AAGAB: variants seen among roughly 807,000 people sequenced by gnomAD.
The protein encoded by AAGAB is alpha- and gamma-adaptin-binding protein p34.
Under a neutral mutation model 44.1 loss-of-function variants are expected in AAGAB, and 38 were observed. The observed-to-expected ratio is 0.86, with a 90% CI of 0.67 to 1.13. AAGAB has a LOEUF of 1.13. Ranked by LOEUF, AAGAB falls within the 50% of genes most tolerant of loss-of-function variation. The probability of loss-of-function intolerance (pLI) is 0.00; values close to 1 mark genes in which losing one functional copy is unlikely to be tolerated. For synonymous variants in AAGAB, 131 were observed against 131.8 expected, an observed-to-expected ratio of 0.99 and a Z score of 0.04; for missense variants, 450 against 373.8, an observed-to-expected ratio of 1.20 and a Z score of -1.68.
At chr15:67,233,969 G>A (rs1181228187) in intron 4 of AAGAB, among the ~76,000 whole-genome samples, 5 of 152,114 alleles carry the variant, frequency 3.3e-5, no homozygotes, top group African/African-American at 4.8e-5. Context: ...TCTGCTGGGC[G>A]CGGTGGCTCA....
At chr15:67,232,499 T>TC (rs957895469) in intron 4 of AAGAB, 9 of 338,128 alleles carry the variant, frequency 2.7e-5, no homozygotes, top group Admixed American at 1.1e-4. Context: ...ACCAACTACT[T>TC]CAGTGAAAAC....
At position 67,208,663 on chromosome 15, in the gene AAGAB, T is replaced by G. The variant is rs1262510320; in HGVS notation, c.619-5A>C. The G allele has an allele frequency of 6.2e-7, 1 of 1,613,222 alleles. No homozygotes were observed. Among genetic ancestry groups the G allele is most frequent in the Admixed American group, 1.7e-5 (1 of 59,984 alleles). On this transcript the variant is annotated splice_polypyrimidine_tract_variant and splice_region_variant and intron_variant, in intron 6 of 9. Transcript: ENST00000261880. ...TGCTGCTGGCAAATGGGGTTGCTGTTGAGGAAAATACACATAAGCAACAAT... is the reference window on the plus strand; with the variant it reads ...TGCTGCTGGCAAATGGGGTTGCTGTGGAGGAAAATACACATAAGCAACAAT...
intron 5 of AAGAB, among the ~76,000 whole-genome samples, chr15:67,229,590 AAGG>A (rs1402301107): frequency 1.3e-5 from 2 of 152,088 alleles, no homozygotes; most frequent in East Asian, 3.9e-4. Context: ...AGAAAGAAAA[AAGG>A]AGGAAGGAGG....
At chr15:67,209,170 A>T in intron 6 of AAGAB, among the ~76,000 whole-genome samples, 1 of 152,224 alleles carries the variant, frequency 6.6e-6, no homozygotes, top group East Asian at 1.9e-4. Flanking sequence ...AGTACTAAAA[A>T]AGCACCATGA....
intron 8 of AAGAB, 39 bp from the exon 9 acceptor site, chr15:67,203,636 C>T (rs912834824): frequency 2.5e-6 from 4 of 1,572,826 alleles, no homozygotes; most frequent in African/African-American, 1.3e-5. Flanking sequence ...TGTCTAATAG[C>T]ACAGGATAAC....
intron 4 of AAGAB, 28 bp downstream of exon 4, chr15:67,235,951 T>C: frequency 1.4e-6 from 2 of 1,474,302 alleles, no homozygotes; most frequent in Non-Finnish European, 1.9e-6. Context: ...CTAAGTGCCA[T>C]ATTTTCTCCT....
chr15:67,225,788 G>A (rs1964190395), intron 5 of AAGAB, among the ~76,000 whole-genome samples: 1 of 152,120 alleles, frequency 6.6e-6, no homozygotes, highest in African/African-American at 2.4e-5. Context: ...GTTTTCAGCA[G>A]TTTTTCTCAC....
rs1963592300 is a variant in AAGAB at position 67,202,611 on chromosome 15, T to C, written c.*210A>G. 2 of 533,294 alleles carry C rather than the reference T, an allele frequency of 3.8e-6. No homozygotes were observed. The highest frequency in any genetic ancestry group is 6.2e-5 in the South Asian group (2 of 32,204). The allele number at this position is 533,294 out of a possible 1,614,324, so 33.0% of individuals were successfully genotyped here. A position where few individuals can be genotyped will look rare whatever the true frequency, so the allele number is the denominator to read the frequency against. On this transcript the variant is annotated 3_prime_UTR_variant, in exon 10 of 10. Transcript: ENST00000261880. Reference sequence around the variant, plus strand: ...TTTAAGAAATCCTCACTCATTACTATCACTGTATTCCTCACTCTCTTACAA... The same window carrying C: ...TTTAAGAAATCCTCACTCATTACTACCACTGTATTCCTCACTCTCTTACAA...
chr15:67,247,666 C>T (rs1964759889), intron 1 of AAGAB, among the ~76,000 whole-genome samples: 1 of 152,180 alleles, frequency 6.6e-6, no homozygotes, highest in South Asian at 2.1e-4. Context: ...AATCATTTCA[C>T]ACATCAACAA....
chr15:67,224,713 T>C (rs556143513), intron 5 of AAGAB, among the ~76,000 whole-genome samples: 17 of 151,946 alleles, frequency 1.1e-4, no homozygotes, highest in East Asian at 1.9e-4. Flanking sequence ...CCCAAGTAGC[T>C]GGGATTACAG....
intron 5 of AAGAB, among the ~76,000 whole-genome samples, chr15:67,223,759 GTTA>G (rs1964137472): frequency 6.6e-6 from 1 of 152,156 alleles, no homozygotes; most frequent in Admixed American, 6.5e-5. Context: ...AAATGTCAAA[GTTA>G]TTATGATGGC....
chr15:67,227,170 C>A (rs1302954652), intron 5 of AAGAB, among the ~76,000 whole-genome samples: 1 of 152,132 alleles, frequency 6.6e-6, no homozygotes, highest in East Asian at 1.9e-4. Context: ...TAAATACTAA[C>A]TAGACAATAC....
At position 67,231,910 on chromosome 15, in the gene AAGAB, G is replaced by A. The variant is rs1460383765; in HGVS notation, c.452-13C>T. Reference sequence around the variant, plus strand: ...TCTGGGAAGTCATCTAATCAGGGAGGGGAAATATATATATTTATATGCAAC... The same window carrying A: ...TCTGGGAAGTCATCTAATCAGGGAGAGGAAATATATATATTTATATGCAAC... On this transcript the variant is annotated splice_polypyrimidine_tract_variant and intron_variant, in intron 4 of 9. Transcript: ENST00000261880. 1.9e-6 allele frequency: 3 copies of A among 1,583,278 alleles called. No homozygotes were observed. Among genetic ancestry groups the A allele is most frequent in the African/African-American group, 1.4e-5 (1 of 74,072 alleles).
intron 5 of AAGAB, among the ~76,000 whole-genome samples, chr15:67,229,615 G>A (rs1461869939): frequency 6.6e-6 from 1 of 151,814 alleles, no homozygotes; most frequent in African/African-American, 2.4e-5. Flanking sequence ...TGGAGAGAGG[G>A]GAAGAAAAGG....
intron 4 of AAGAB, among the ~76,000 whole-genome samples, chr15:67,233,938 T>C (rs774243742): frequency 1.3e-5 from 2 of 151,838 alleles, no homozygotes; most frequent in South Asian, 2.1e-4. Context: ...AACAGAAATA[T>C]AGTGATTAAA....
chr15:67,254,047 T>A (rs1964988470), intron 1 of AAGAB, among the ~76,000 whole-genome samples: 1 of 152,172 alleles, frequency 6.6e-6, no homozygotes, highest in South Asian at 2.1e-4. Context: ...ATGCCTCAGA[T>A]GAAAGGCGTG....
At chr15:67,217,523 G>GT (rs140536176) in intron 5 of AAGAB, among the ~76,000 whole-genome samples, 60 of 152,224 alleles carry the variant, frequency 3.9e-4, no homozygotes, top group Admixed American at 1.5e-3. Flanking sequence ...GATAGACCTT[G>GT]TGTTTAGGTA....
chr15:67,233,096 A>T (rs1964378919), intron 4 of AAGAB, among the ~76,000 whole-genome samples: 1 of 152,204 alleles, frequency 6.6e-6, no homozygotes, highest in South Asian at 2.1e-4. Flanking sequence ...AGTTTCCTGA[A>T]GGCAGGAACA....
At chr15:67,206,399 T>C (rs1963685663) in intron 7 of AAGAB, among the ~76,000 whole-genome samples, 2 of 152,218 alleles carry the variant, frequency 1.3e-5, no homozygotes, top group Admixed American at 6.5e-5. Flanking sequence ...TTGTAATAAA[T>C]AAACATCTTG....
Sources: gnomAD v4.1 joint callset for allele counts (sites outside exome capture counted in the v4.1 genomes callset) on GRCh38, gnomAD v4.1.1 for gene constraint, MANE v1.5 for transcripts, NCBI Gene and HGNC (gene_info 2026-07-23, HGNC 2026-07-21) for gene names.